The following ST8SIA5 variants were observed in gnomAD, a reference collection of about 807,000 sequenced individuals.
ST8SIA5 encodes alpha-2,8-sialyltransferase 8E.
A neutral mutation model predicts 40.2 loss-of-function variants in ST8SIA5; 24 were observed. The observed-to-expected ratio is 0.60, with a 90% CI of 0.43 to 0.84. The LOEUF (loss-of-function observed/expected upper bound fraction) is 0.84, where lower values mean the gene tolerates loss of function less well. ST8SIA5 is among the 40% of genes least tolerant of loss of function. The pLI, the probability that ST8SIA5 is intolerant of heterozygous loss-of-function variation, is 0.00. For synonymous variants in ST8SIA5, 198 were observed against 201.8 expected, an observed-to-expected ratio of 0.98 and a Z score of 0.16; for missense variants, 465 against 498.5, an observed-to-expected ratio of 0.93 and a Z score of 0.64.
intron 1 of ST8SIA5, among the ~76,000 whole-genome samples, chr18:46,727,280 C>T (rs968088380): frequency 8.5e-5 from 13 of 152,210 alleles, no homozygotes; most frequent in African/African-American, 3.1e-4. Context: ...TATGGAGGCT[C>T]AGCTTTTCTC....
At chr18:46,732,551 C>A (rs1201214113) in intron 1 of ST8SIA5, among the ~76,000 whole-genome samples, 1 of 152,160 alleles carries the variant, frequency 6.6e-6, no homozygotes, top group African/African-American at 2.4e-5. Flanking sequence ...CCTGTCACCA[C>A]CCCCTCCCTC....
intron 1 of ST8SIA5, among the ~76,000 whole-genome samples, chr18:46,728,991 C>A (rs559006141): frequency 6.6e-6 from 1 of 152,164 alleles, no homozygotes; most frequent in African/African-American, 2.4e-5. Context: ...AGTGGCCCTG[C>A]AGTTTCACTT....
At chr18:46,682,894 A>G (rs1568248790) in intron 5 of ST8SIA5, among the ~76,000 whole-genome samples, 1 of 152,210 alleles carries the variant, frequency 6.6e-6, no homozygotes, top group Non-Finnish European at 1.5e-5. Flanking sequence ...GAAATGAAAA[A>G]GGAAACAAAT....
At chr18:46,751,456 G>A (rs1412944620) in intron 1 of ST8SIA5, among the ~76,000 whole-genome samples, 1 of 151,778 alleles carries the variant, frequency 6.6e-6, no homozygotes, top group Non-Finnish European at 1.5e-5. Context: ...GAGTGCAATG[G>A]TGCGATCTTG....
Position 46,756,414 on chromosome 18 carries a change from A to G in ST8SIA5, c.95T>C (p.Leu32Pro), listed in dbSNP as rs774764871. ...GTTCCTGCCATACAGGATCTGTTGC[A>G]GCAAGGTCACCAAGGCAAAGGCGCA... ...FICAFALVTL[L>P]QQILYGRNYI... Residue 32 changes from leucine (L) to proline (P), a missense_variant, in exon 1 of 7, where the codon CTG becomes CCG. By Grantham distance (98) the Leu-to-Pro change is moderately conservative (BLOSUM62 -3). Transcript: ENST00000315087. The G allele has an allele frequency of 6.2e-7, 1 of 1,613,152 alleles. No homozygotes were observed. The highest frequency in any genetic ancestry group is 1.7e-5 in the Admixed American group (1 of 59,990).
chr18:46,696,197 G>C (rs2039555581), intron 2 of ST8SIA5, among the ~76,000 whole-genome samples: 1 of 152,112 alleles, frequency 6.6e-6, no homozygotes, highest in Non-Finnish European at 1.5e-5. Flanking sequence ...CTCCCACCCT[G>C]GCTGACAGAA....
At chr18:46,746,613 G>T (rs1265740234) in intron 1 of ST8SIA5, among the ~76,000 whole-genome samples, 1 of 152,156 alleles carries the variant, frequency 6.6e-6, no homozygotes, top group East Asian at 1.9e-4. Flanking sequence ...TGGATAGGAA[G>T]AATCAATATC....
intron 1 of ST8SIA5, among the ~76,000 whole-genome samples, chr18:46,713,898 G>A (rs986418790): frequency 6.6e-6 from 1 of 152,188 alleles, no homozygotes; most frequent in Non-Finnish European, 1.5e-5. Context: ...ATGGAAGTCT[G>A]CAGGTGAAGG....
Position 46,680,100 on chromosome 18 carries a change from A to G in ST8SIA5, c.1073T>C (p.Leu358Pro). 6.2e-7 allele frequency: 1 copy of G among 1,614,150 alleles called. No homozygotes were observed. Among genetic ancestry groups the G allele is most frequent in the Non-Finnish European group, 8.5e-7 (1 of 1,180,018 alleles). ...HAMPSEIFNFLHLHSRGILRV... is the reference protein window; with the variant it reads ...HAMPSEIFNFPHLHSRGILRV... ...GAGGATGCCTCGGCTGTGCAAGTGC[A>G]GGAAGTTGAAGATCTCAGAGGGCAT... is the stretch of plus-strand genomic sequence containing the variant. The change falls in exon 7 of 7, where the codon CTG (leucine) becomes CCG (proline). Residue 358 changes from leucine to proline, a missense_variant. Transcript: ENST00000315087.
Position 46,671,038 on chromosome 18 carries a change from C to T in ST8SIA5, c.*9004G>A, listed in dbSNP as rs2039305923. 1 of 152,216 alleles carries T rather than the reference C, an allele frequency of 6.6e-6. No individual in the cohort carries two copies. Among genetic ancestry groups the T allele is most frequent in the Non-Finnish European group, 1.5e-5 (1 of 68,040 alleles). The allele number at this position is 152,216 out of a possible 1,614,324, so 9.4% of individuals were successfully genotyped here. ...TCAGGGGCTCAAAATTATTTTCCTTCAACTGAGTCCTCAGTTACCTGGGGG... is the reference window on the plus strand; with the variant it reads ...TCAGGGGCTCAAAATTATTTTCCTTTAACTGAGTCCTCAGTTACCTGGGGG... On this transcript the variant is annotated 3_prime_UTR_variant, in exon 7 of 7. Coordinates refer to ENST00000315087, the MANE Select transcript of ST8SIA5 (RefSeq NM_013305.6).
At chr18:46,686,809 A>C (rs75443328) in intron 4 of ST8SIA5, among the ~76,000 whole-genome samples, 4,177 of 129,116 alleles carry the variant, frequency 0.032, 79 homozygotes, top group Non-Finnish European at 0.047. Context: ...CTTGTACCAG[A>C]GAAAGGCAAA....
chr18:46,692,983 G>A (rs1000042251), intron 2 of ST8SIA5, among the ~76,000 whole-genome samples: 9 of 150,830 alleles, frequency 6.0e-5, no homozygotes, highest in East Asian at 3.9e-4. Context: ...CTACCCTGCC[G>A]ACCCTGCCTT....
intron 1 of ST8SIA5, among the ~76,000 whole-genome samples, chr18:46,712,967 G>A (rs769837800): frequency 2.6e-5 from 4 of 152,228 alleles, no homozygotes; most frequent in Non-Finnish European, 5.9e-5. Context: ...AGAGAAGGAA[G>A]TGAGTAAATA....
At chr18:46,723,222 G>C (rs2039880845) in intron 1 of ST8SIA5, 1 of 155,128 alleles carries the variant, frequency 6.4e-6, no homozygotes, top group African/African-American at 2.4e-5. Context: ...AAGAACTTTT[G>C]ACTGGACAGA....
chr18:46,723,739 A>G (rs2039886798), intron 1 of ST8SIA5, among the ~76,000 whole-genome samples: 3 of 152,072 alleles, frequency 2.0e-5, no homozygotes, highest in South Asian at 4.2e-4. Context: ...CAGCCTGGCC[A>G]GCATGGTGAA....
At chr18:46,732,193 G>A (rs2039991612) in intron 1 of ST8SIA5, among the ~76,000 whole-genome samples, 1 of 152,240 alleles carries the variant, frequency 6.6e-6, no homozygotes, top group South Asian at 2.1e-4. Context: ...CAGCCCCTGA[G>A]TTGCAGCATC....
In ST8SIA5 at chr18:46,682,057, G is replaced by T; in HGVS notation, c.577C>A (p.Leu193Met). 6.2e-7 allele frequency: 1 copy of T among 1,606,466 alleles called. No homozygotes were observed. The highest frequency in any genetic ancestry group is 8.5e-7 in the Non-Finnish European group (1 of 1,177,084). ...NSADFVFRCNLPPISEKYTMD... is the reference protein window; with the variant it reads ...NSADFVFRCNMPPISEKYTMD... ...GTGTACTTCTCTGAGATGGGGGGCA[G>T]GTTGCACCTGCAGAAGAGAAAAGGC... Residue 193 changes from leucine to methionine, a missense_variant, in exon 6 of 7, where the codon CTG (leucine) becomes ATG (methionine). Transcript: ENST00000315087.
rs771437151 is a variant in ST8SIA5, at chr18:46,676,805, C to T, written c.*3237G>A. On this transcript the variant is annotated 3_prime_UTR_variant, in exon 7 of 7. Coordinates refer to ENST00000315087, the MANE Select transcript of ST8SIA5 (RefSeq NM_013305.6). ...ACTGCATGGTGGCGTGGTGACAGGG[C>T]TGTGGAGGAACATGGCAGAAGGCTT... 3.3e-5 allele frequency: 5 copies of T among 152,162 alleles called. No individual in the cohort carries two copies. Among genetic ancestry groups the T allele is most frequent in the Non-Finnish European group, 7.4e-5 (5 of 68,008 alleles). 9.4% of individuals were successfully genotyped at this position (152,162 alleles called of 1,614,324 possible). A position where few individuals can be genotyped will look rare whatever the true frequency, so the allele number is the denominator to read the frequency against.
rs376358845 is a variant in ST8SIA5 at position 46,680,106 on chromosome 18, T to G, written c.1067A>C (p.Asn356Thr). 6 of 1,614,014 alleles carry G rather than the reference T, an allele frequency of 3.7e-6. No individual in the cohort carries two copies. The highest frequency in any genetic ancestry group is 5.1e-6 in the Non-Finnish European group (6 of 1,180,032). The change falls in exon 7 of 7, where the codon AAC (asparagine) becomes ACC (threonine). Residue 356 changes from asparagine to threonine, a missense_variant. Transcript: ENST00000315087. ...GFHAMPSEIF[N>T]FLHLHSRGIL... ...GCCTCGGCTGTGCAAGTGCAGGAAG[T>G]TGAAGATCTCAGAGGGCATGGCGTG... is the stretch of plus-strand genomic sequence containing the variant.
Sources: gnomAD v4.1 joint callset for allele counts (sites outside exome capture counted in the v4.1 genomes callset) on GRCh38, gnomAD v4.1.1 for gene constraint, MANE v1.5 for transcripts, NCBI Gene and HGNC (gene_info 2026-07-23, HGNC 2026-07-21) for gene names.